MB21D2: variants seen among roughly 807,000 people sequenced by gnomAD.
MB21D2 encodes the protein Mab-21 domain containing 2, also known as nucleotidyltransferase MB21D2.
MB21D2 carries 9 observed loss-of-function variants against 33.3 expected under a neutral mutation model. The ratio of observed to expected loss-of-function variants is 0.27; its 90% CI spans 0.16 to 0.47. The LOEUF is 0.47. MB21D2 is among the 20% of genes least tolerant of loss of function. MB21D2 has a pLI of 0.99. For missense variants in MB21D2, 540 were observed against 624.6 expected (o/e 0.86, Z 1.44); for synonymous variants, 241 against 236.3 (o/e 1.02, Z -0.18).
At chr3:192,878,828 G>A (rs1367722011) in intron 1 of MB21D2, among the ~76,000 whole-genome samples, 1 of 152,206 alleles carries the variant, frequency 6.6e-6, no homozygotes, top group Non-Finnish European at 1.5e-5. Context: ...GCTGGACGTG[G>A]TGGTGCATGC....
At chr3:192,839,175 AACAATT>A (rs1456425063) in intron 1 of MB21D2, among the ~76,000 whole-genome samples, 2 of 152,208 alleles carry the variant, frequency 1.3e-5, no homozygotes, top group South Asian at 2.1e-4. Flanking sequence ...TATAAATATT[AACAATT>A]ACAATTACTA....
intron 1 of MB21D2, among the ~76,000 whole-genome samples, chr3:192,868,713 T>C (rs1324347328): frequency 6.6e-6 from 1 of 152,152 alleles, no homozygotes; most frequent in Non-Finnish European, 1.5e-5. Context: ...ATGAAAAGGT[T>C]GGTCTGTGCT....
intron 1 of MB21D2, among the ~76,000 whole-genome samples, chr3:192,840,425 T>TTTTTTTTTTTTTTA (rs1712544395): frequency 7.1e-6 from 1 of 140,588 alleles, no homozygotes; most frequent in Non-Finnish European, 1.5e-5. Context: ...CTTTTTTTTT[T>TTTTTTTTTTTTTTA]TTTTTTTTTT....
At position 192,906,578 on chromosome 3, in the gene MB21D2, G is replaced by A. The variant is rs544339775; in HGVS notation, c.211+11052C>T. ...TGCTGCTGCTGCTTCCATTTCAAACGTCTCTGCTTCAGAGAAGGCTTCTCA... is the reference window on the plus strand; with the variant it reads ...TGCTGCTGCTGCTTCCATTTCAAACATCTCTGCTTCAGAGAAGGCTTCTCA... On this transcript the variant is annotated intron_variant, in intron 1 of 1. Transcript: ENST00000392452. Among the ~76,000 whole-genome samples the A allele has an allele frequency of 1.4e-4, 21 of 152,148 alleles. No homozygotes were observed. The South Asian group carries it at 3.7e-3, about 27-fold the overall frequency.
chr3:192,865,304 G>A lies in MB21D2; in HGVS notation c.211+52326C>T, dbSNP rs570683261. ...AAGGAGGCTCAGAGGTAGGTGAACT[G>A]CAAGGTAGAAGATGACCCAAGATTA... On this transcript the variant is annotated intron_variant, in intron 1 of 1. Transcript: ENST00000392452. Among the ~76,000 whole-genome samples, 50 of 152,340 alleles carry A rather than the reference G, an allele frequency of 3.3e-4. No homozygotes were observed. In the South Asian group the frequency reaches 0.01, roughly 32 times the overall value.
In MB21D2 at chr3:192,865,276, T is replaced by C. The variant is rs114432405; in HGVS notation, c.211+52354A>G. On this transcript the variant is annotated intron_variant, in intron 1 of 1. Coordinates refer to ENST00000392452, the MANE Select transcript of MB21D2 (RefSeq NM_178496.4). ...GGGAGCTGATCAGCATGAATGAGGC[T>C]GGAAGGAGGCTCAGAGGTAGGTGAA... Among the ~76,000 whole-genome samples, 797 of 152,320 alleles carry C rather than the reference T, an allele frequency of 5.2e-3. 6 individuals carry two copies. Among genetic ancestry groups the C allele is most frequent in the African/African-American group, 0.018 (761 of 41,570 alleles).
chr3:192,836,430 T>C (rs1279020057), intron 1 of MB21D2, among the ~76,000 whole-genome samples: 3 of 152,210 alleles, frequency 2.0e-5, no homozygotes, highest in Non-Finnish European at 4.4e-5. Flanking sequence ...CTCAGAATAT[T>C]ATTGTATTTG....
intron 1 of MB21D2, among the ~76,000 whole-genome samples, chr3:192,844,670 C>T (rs891429382): frequency 1.3e-5 from 2 of 152,186 alleles, no homozygotes; most frequent in African/African-American, 4.8e-5. Context: ...TCAAACAGAG[C>T]TCCCCAATTC....
rs141450296 is a variant in MB21D2 at position 192,826,736 on chromosome 3, A to G, written c.212-27086T>C. Among the ~76,000 whole-genome samples the G allele has an allele frequency of 3.1e-3, 473 of 152,254 alleles. 5 individuals are homozygous for G. The highest frequency in any genetic ancestry group is 7.5e-3 in the South Asian group (36 of 4,818). ...TCCCTGCATCTCTGGTATTAGCTGG[A>G]CCCTAAATAGCACAAGGTCTCCGGG... On this transcript the variant is annotated intron_variant, in intron 1 of 1. Coordinates refer to ENST00000392452, the MANE Select transcript of MB21D2 (RefSeq NM_178496.4).
intron 1 of MB21D2, among the ~76,000 whole-genome samples, chr3:192,849,369 G>A (rs1057028435): frequency 1.1e-4 from 16 of 151,228 alleles, no homozygotes; most frequent in Non-Finnish European, 1.6e-4. Flanking sequence ...CCAGGCTGGC[G>A]TGCAGTGGCG....
At chr3:192,824,492 A>AAAATAAAT (rs61642372) in intron 1 of MB21D2, among the ~76,000 whole-genome samples, 7,179 of 147,520 alleles carry the variant, frequency 0.049, 272 homozygotes, top group East Asian at 0.1. Context: ...CTGATTTCTG[A>AAAATAAAT]AAATAAATAA....
chr3:192,862,424 A>G (rs897831159), intron 1 of MB21D2, among the ~76,000 whole-genome samples: 1 of 152,224 alleles, frequency 6.6e-6, no homozygotes, highest in Non-Finnish European at 1.5e-5. Context: ...TTCAATAATA[A>G]TAATTCTCAG....
intron 1 of MB21D2, among the ~76,000 whole-genome samples, chr3:192,842,096 A>G (rs1184290397): frequency 6.6e-6 from 1 of 151,946 alleles, no homozygotes; most frequent in Non-Finnish European, 1.5e-5. Context: ...CGGGGGGCAT[A>G]TAAAAGATGA....
chr3:192,874,225 T>C (rs1194357977), intron 1 of MB21D2, among the ~76,000 whole-genome samples: 1 of 152,148 alleles, frequency 6.6e-6, no homozygotes, highest in African/African-American at 2.4e-5. Flanking sequence ...TACTGGGCTG[T>C]ACATAAAAAT....
At chr3:192,863,344 C>A (rs1713095163) in intron 1 of MB21D2, among the ~76,000 whole-genome samples, 1 of 152,088 alleles carries the variant, frequency 6.6e-6, no homozygotes, top group African/African-American at 2.4e-5. Flanking sequence ...TTACAGCAGC[C>A]CTAGGAAACT....
intron 1 of MB21D2, among the ~76,000 whole-genome samples, chr3:192,833,568 G>C (rs1246119115): frequency 6.6e-6 from 1 of 152,142 alleles, no homozygotes; most frequent in Non-Finnish European, 1.5e-5. Context: ...GCTGTGAAAA[G>C]GGCATTTTCT....
At chr3:192,815,012 A>G (rs1358819543) in intron 1 of MB21D2, among the ~76,000 whole-genome samples, 1 of 152,020 alleles carries the variant, frequency 6.6e-6, no homozygotes, top group African/African-American at 2.4e-5. Flanking sequence ...ACAGTGTGGC[A>G]TTCAAACATT....
rs531189585 is a variant in MB21D2, at chr3:192,832,422, A to T, written c.212-32772T>A. On this transcript the variant is annotated intron_variant, in intron 1 of 1. Transcript: ENST00000392452. ...CCAAGTAAAGTTTATCATCAGCTGG[A>T]AAACTTACTTAAGTGATGGCAAATT... 2.6e-5 allele frequency among the ~76,000 whole-genome samples: 4 copies of T among 152,350 alleles called. No individual in the cohort carries two copies. The South Asian group carries it at 8.3e-4, about 32-fold the overall frequency.
intron 1 of MB21D2, among the ~76,000 whole-genome samples, chr3:192,904,030 C>CA (rs1714155624): frequency 6.6e-6 from 1 of 152,186 alleles, no homozygotes; most frequent in Non-Finnish European, 1.5e-5. Flanking sequence ...GTCTTTACAG[C>CA]AATGCAAAAA....
Sources: gnomAD v4.1 joint callset for allele counts (sites outside exome capture counted in the v4.1 genomes callset) on GRCh38, gnomAD v4.1.1 for gene constraint, MANE v1.5 for transcripts, NCBI Gene and HGNC (gene_info 2026-07-23, HGNC 2026-07-21) for gene names.